LRRC69: variants seen among roughly 807,000 people sequenced by gnomAD.
The protein encoded by LRRC69 is leucine rich repeat containing 69.
Under a neutral mutation model 37.8 loss-of-function variants are expected in LRRC69, and 42 were observed. The ratio of observed to expected loss-of-function variants is 1.11; its 90% CI spans 0.87 to 1.44. LRRC69 has a LOEUF of 1.44. Among genes scored for constraint, LRRC69 ranks in the 40% most tolerant of loss-of-function variants. LRRC69 has a pLI of 0.00. For missense variants in LRRC69, 357 were observed against 401.9 expected, an observed-to-expected ratio of 0.89 and a Z score of 0.96; for synonymous variants, 141 against 143.1, an observed-to-expected ratio of 0.99 and a Z score of 0.11.
At chr8:91,146,391 G>A (rs1359200475) in intron 5 of LRRC69, among the ~76,000 whole-genome samples, 3 of 151,708 alleles carry the variant, frequency 2.0e-5, no homozygotes, top group African/African-American at 7.3e-5. Context: ...AGTAAAAGTG[G>A]AGTTAAAATG....
intron 6 of LRRC69, among the ~76,000 whole-genome samples, chr8:91,192,654 G>C (rs570903142): frequency 6.6e-6 from 1 of 152,296 alleles, no homozygotes; most frequent in East Asian, 1.9e-4. Context: ...CTTTTGAGAA[G>C]TGTCTATTCA....
chr8:91,158,452 T>C (rs1808879085), intron 5 of LRRC69: 1 of 1,274,772 alleles, frequency 7.8e-7, no homozygotes, highest in Non-Finnish European at 1.1e-6. Context: ...AAATGCATGC[T>C]GTTAATGGAA....
intron 5 of LRRC69, among the ~76,000 whole-genome samples, chr8:91,156,902 C>T (rs1563608419): frequency 6.6e-6 from 1 of 150,944 alleles, no homozygotes; most frequent in Non-Finnish European, 1.5e-5. Flanking sequence ...GTTCCTGGCA[C>T]CTTTGTCAAA....
intron 6 of LRRC69, among the ~76,000 whole-genome samples, chr8:91,191,574 G>A (rs948738188): frequency 5.9e-5 from 9 of 152,140 alleles, no homozygotes; most frequent in Non-Finnish European, 7.3e-5. Flanking sequence ...GGACAATGAC[G>A]CCAACTTAAG....
At chr8:91,144,044 T>C (rs1191314083) in intron 5 of LRRC69, among the ~76,000 whole-genome samples, 2 of 151,996 alleles carry the variant, frequency 1.3e-5, no homozygotes, top group Admixed American at 6.6e-5. Context: ...TCAGTAATGA[T>C]AGAATGAATG....
chr8:91,170,987 T>G (rs1809117040), intron 5 of LRRC69, among the ~76,000 whole-genome samples: 1 of 146,984 alleles, frequency 6.8e-6, no homozygotes, highest in Non-Finnish European at 1.5e-5. Flanking sequence ...GGAGAAAATT[T>G]TCGCAACCTA....
chr8:91,155,882 C>CACAACATATATATAT (rs1156931465), intron 5 of LRRC69, among the ~76,000 whole-genome samples: 314 of 143,062 alleles, frequency 2.2e-3, no homozygotes, highest in African/African-American at 7.7e-3. Context: ...TATATATATA[C>CACAACATATATATAT]ACAACATATA....
chr8:91,119,181 C>T (rs1813571481), intron 1 of LRRC69, among the ~76,000 whole-genome samples: 1 of 152,020 alleles, frequency 6.6e-6, no homozygotes, highest in Non-Finnish European at 1.5e-5. Flanking sequence ...AATGAAACAT[C>T]TAGGTTGGGG....
chr8:91,202,145 G>A (rs1358033453), intron 7 of LRRC69, among the ~76,000 whole-genome samples: 1 of 152,186 alleles, frequency 6.6e-6, no homozygotes, highest in Non-Finnish European at 1.5e-5. Context: ...GGCAGAGGTT[G>A]TAGTTAACCG....
intron 1 of LRRC69, among the ~76,000 whole-genome samples, chr8:91,112,972 C>T (rs183794209): frequency 6.4e-4 from 97 of 151,810 alleles, no homozygotes; most frequent in African/African-American, 2.0e-3. Context: ...AATCCATTTA[C>T]AATAGCAATA....
At chr8:91,191,863 ACTTAAAG>A in intron 6 of LRRC69, among the ~76,000 whole-genome samples, 1 of 152,092 alleles carries the variant, frequency 6.6e-6, no homozygotes, top group South Asian at 2.1e-4. Context: ...TTATTATTAT[ACTTAAAG>A]TTTTAGGGTA....
chr8:91,114,084 A>G (rs1813462922), intron 1 of LRRC69, among the ~76,000 whole-genome samples: 2 of 151,874 alleles, frequency 1.3e-5, no homozygotes, highest in African/African-American at 4.8e-5. Flanking sequence ...CTAATCATCA[A>G]TGAAACACAA....
chr8:91,116,417 A>G (rs941357437), intron 1 of LRRC69, among the ~76,000 whole-genome samples: 6 of 152,076 alleles, frequency 3.9e-5, no homozygotes, highest in African/African-American at 1.4e-4. Context: ...TGCCTACTGC[A>G]CAATACAGAC....
intron 7 of LRRC69, among the ~76,000 whole-genome samples, chr8:91,212,598 A>G (rs1809951432): frequency 6.6e-6 from 1 of 152,206 alleles, no homozygotes; most frequent in African/African-American, 2.4e-5. Flanking sequence ...TTTACTCATT[A>G]CTTATAAAGT....
At chr8:91,105,586 G>A (rs7841266) in intron 1 of LRRC69, among the ~76,000 whole-genome samples, 76,063 of 150,146 alleles carry the variant, frequency 0.51, 20,734 homozygotes, top group South Asian at 0.67. Flanking sequence ...GCCTGAGCCC[G>A]GAATGTGGGA....
intron 5 of LRRC69, among the ~76,000 whole-genome samples, chr8:91,150,824 G>A (rs1333696575): frequency 2.0e-5 from 3 of 151,938 alleles, no homozygotes; most frequent in Non-Finnish European, 4.4e-5. Context: ...GAGAGTGTAT[G>A]TGTCGAGGAA....
chr8:91,165,186 T>C (rs1426657490), intron 5 of LRRC69, among the ~76,000 whole-genome samples: 1 of 151,716 alleles, frequency 6.6e-6, no homozygotes, highest in Non-Finnish European at 1.5e-5. Flanking sequence ...TGGCACCATA[T>C]CTTAGAGTCT....
rs1341761037 is a variant in LRRC69 at position 91,135,698 on chromosome 8, C to G, written c.610C>G (p.Leu204Val). Residue 204 changes from leucine to valine, a missense_variant, in exon 5 of 8, where the codon CTA becomes GTA. Coordinates refer to ENST00000448384, the Ensembl canonical transcript of LRRC69. ...TTGTGATCTTAAAAAACTAAGAATC[C>G]TAGACATAGCTGGAAATATTATTCA... is the stretch of plus-strand genomic sequence containing the variant. 4.1e-6 allele frequency: 6 copies of G among 1,461,168 alleles called. No homozygotes were observed. In the East Asian group the frequency reaches 1.1e-4, roughly 28 times the overall value. 90.5% of individuals were successfully genotyped at this position (1,461,168 alleles called of 1,614,324 possible).
intron 1 of LRRC69, among the ~76,000 whole-genome samples, chr8:91,109,181 C>T (rs1813370110): frequency 6.6e-6 from 1 of 152,024 alleles, no homozygotes. Context: ...TCTCCTTTGC[C>T]TCTGCTTTCA....
Sources: allele counts gnomAD v4.1 joint callset (sites outside exome capture counted in the v4.1 genomes callset), GRCh38; gene constraint gnomAD v4.1.1; transcripts MANE v1.5; gene names NCBI Gene and HGNC (gene_info 2026-07-23, HGNC 2026-07-21).